NCOR1: variants seen among roughly 807,000 people sequenced by gnomAD.
NCOR1 encodes the protein nuclear receptor corepressor 1.
Under a neutral mutation model 288.1 loss-of-function variants are expected in NCOR1, and 63 were observed. The ratio of observed to expected loss-of-function variants is 0.22; its 90% CI spans 0.18 to 0.27. The LOEUF is 0.27. Ranked by LOEUF, NCOR1 falls within the 10% of genes least tolerant of loss-of-function variation. The pLI is 1.00. For synonymous variants in NCOR1, 1,007 were observed against 1,065.9 expected, an observed-to-expected ratio of 0.94 and a Z score of 1.08; for missense variants, 2,397 against 3,019.2, an observed-to-expected ratio of 0.79 and a Z score of 4.83.
intron 3 of NCOR1, among the ~76,000 whole-genome samples, chr17:16,173,594 C>T (rs976854098): frequency 1.3e-5 from 2 of 151,930 alleles, no homozygotes; most frequent in African/African-American, 2.4e-5. Context: ...CAGTTGTATT[C>T]TATACACTAG....
chr17:16,192,369 G>C (rs886500325), intron 2 of NCOR1, among the ~76,000 whole-genome samples: 1 of 151,968 alleles, frequency 6.6e-6, no homozygotes, highest in Non-Finnish European at 1.5e-5. Flanking sequence ...CAAAAAATTA[G>C]CTGGGGCCGG....
At chr17:16,070,128 A>G (rs774980098) in intron 31 of NCOR1, 37 bp downstream of exon 31, 4 of 1,528,408 alleles carry the variant, frequency 2.6e-6, no homozygotes, top group African/African-American at 2.8e-5. Context: ...TTTAAATGCA[A>G]TAAAAAGTAT....
chr17:16,167,283 C>T (rs1275201652), intron 4 of NCOR1, among the ~76,000 whole-genome samples: 2 of 151,838 alleles, frequency 1.3e-5, no homozygotes, highest in Admixed American at 6.6e-5. Flanking sequence ...AAGATCAAAA[C>T]AGACAAGATA....
rs74996877 is a variant in NCOR1 at position 16,149,393 on chromosome 17, T to C, written c.909+58A>G. ...CATTAACAGTAGGAAAGTGAATGCC[T>C]AAATGAGCATGAATGGGAAAGCTGT... On this transcript the variant is annotated intron_variant, in intron 9 of 45. Transcript: ENST00000268712. 1,155 of 1,028,374 alleles carry C rather than the reference T, an allele frequency of 1.1e-3. 24 individuals are homozygous for C. In the East Asian group the frequency reaches 0.03, roughly 27 times the overall value. 63.7% of individuals were successfully genotyped at this position (1,028,374 alleles called of 1,614,324 possible). A position where few individuals can be genotyped will look rare whatever the true frequency, so the allele number is the denominator to read the frequency against.
intron 32 of NCOR1, 89 bp downstream of exon 32, chr17:16,067,805 T>C (rs2061308562): frequency 8.3e-7 from 1 of 1,206,688 alleles, no homozygotes; most frequent in Non-Finnish European, 1.1e-6. Context: ...TATTTGCAAT[T>C]GTACTATATT....
rs2092333746 is a variant in NCOR1 at position 16,213,612 on chromosome 17, A to T, written c.-71+1750T>A. ...AATGCCGCGAGAGATGTGCAGAAAA[A>T]GCATTACAGGAGCCCAGAGGGAGCT... is the stretch of plus-strand genomic sequence containing the variant. On this transcript the variant is annotated intron_variant, in intron 1 of 45. Transcript: ENST00000268712. Among the ~76,000 whole-genome samples the T allele has an allele frequency of 3.9e-5, 6 of 152,252 alleles. No homozygotes were observed. The South Asian group carries it at 1.2e-3, about 32-fold the overall frequency.
intron 14 of NCOR1, among the ~76,000 whole-genome samples, chr17:16,134,964 CCTGA>C: frequency 6.6e-6 from 1 of 152,146 alleles, no homozygotes; most frequent in South Asian, 2.1e-4. Context: ...TCGAGACCAT[CCTGA>C]CTAACACGGT....
intron 2 of NCOR1, among the ~76,000 whole-genome samples, chr17:16,191,394 G>A (rs2088244644): frequency 6.6e-6 from 1 of 152,036 alleles, no homozygotes; most frequent in African/African-American, 2.4e-5. Context: ...CTACCAGAAG[G>A]ACTTCATCTC....
At position 16,032,320 on chromosome 17, in the gene NCOR1, C is replaced by T. The variant is rs1182860320; in HGVS notation, c.7299G>A (p.Glu2433=). Residue 2433 remains glutamate (E), a synonymous_variant, in exon 46 of 46, where the codon GAG becomes GAA. Coordinates refer to ENST00000268712, the MANE Select transcript of NCOR1 (RefSeq NM_006311.4). The part of the protein sequence containing the change: ...EPAPLLSAQY[E]TLSDSDD ...TTCAGTCATCACTATCCGACAGGGT[C>T]TCGTACTGTGCTGAGAGCAGTGGGG... The T allele has an allele frequency of 6.2e-7, 1 of 1,613,848 alleles. No individual in the cohort carries two copies.
At chr17:16,170,107 C>CTG (rs61345864) in intron 4 of NCOR1, among the ~76,000 whole-genome samples, 9,238 of 147,622 alleles carry the variant, frequency 0.063, 579 homozygotes, top group African/African-American at 0.17. Context: ...TATTTGCTTT[C>CTG]TGTGTGTGTG....
chr17:16,144,491 T>C (rs970570057), intron 10 of NCOR1, among the ~76,000 whole-genome samples: 1 of 152,208 alleles, frequency 6.6e-6, no homozygotes, highest in Non-Finnish European at 1.5e-5. Context: ...GTTTGTTATA[T>C]AGGTAAACCT....
chr17:16,137,815 G>T, intron 13 of NCOR1: 1 of 250,286 alleles, frequency 4.0e-6, no homozygotes, highest in Non-Finnish European at 7.5e-6. Context: ...TTGCGCAGAG[G>T]CCATGCTAAT....
chr17:16,084,637 G>C (rs972340111), intron 23 of NCOR1, among the ~76,000 whole-genome samples: 5 of 152,198 alleles, frequency 3.3e-5, no homozygotes, highest in Admixed American at 2.6e-4. Flanking sequence ...CAGTGGAACA[G>C]CATGGAGACA....
At chr17:16,065,720 A>G in intron 32 of NCOR1, 26 bp from the exon 33 acceptor site, 2 of 1,607,696 alleles carry the variant, frequency 1.2e-6, no homozygotes, top group Non-Finnish European at 1.7e-6. Context: ...AAAGAAAGGC[A>G]CTGAGTTTTG....
At position 16,138,225 on chromosome 17, in the gene NCOR1, GAA is replaced by G. The variant is rs1200305351; in HGVS notation, c.1353-15_1353-14del. On this transcript the variant is annotated splice_polypyrimidine_tract_variant and intron_variant, in intron 12 of 45. Transcript: ENST00000268712. ...ATGCTGGATAAACCTGAGTGAAAAC[GAA>G]AACAAAAACACACTTGCGTACAAAT... is the stretch of plus-strand genomic sequence containing the variant. 1.6e-5 allele frequency: 25 copies of G among 1,598,298 alleles called. No homozygotes were observed. The highest frequency in any genetic ancestry group is 2.0e-5 in the Non-Finnish European group (24 of 1,171,370).
chr17:16,071,572 C>G lies in NCOR1; in HGVS notation c.3989G>C (p.Gly1330Ala). 1 of 1,613,976 alleles carries G rather than the reference C, an allele frequency of 6.2e-7. No homozygotes were observed. The highest frequency in any genetic ancestry group is 8.5e-7 in the Non-Finnish European group (1 of 1,180,010). ...RESPPIRAFE[G>A]AITKGKPYDG... is the part of the protein sequence containing the mutation. ...ATATGGTTTTCCTTTGGTAATGGCACCTTCAAATGCTCGTATGGGAGGACT... is the reference window on the plus strand; with the variant it reads ...ATATGGTTTTCCTTTGGTAATGGCAGCTTCAAATGCTCGTATGGGAGGACT... The change falls in exon 30 of 46, where the codon GGT (glycine) becomes GCT (alanine). Residue 1330 changes from glycine to alanine, a missense_variant. Around this residue, in one of 11 missense-constraint regions of NCOR1, gnomAD observed 1,872 missense variants for 2,187.8 expected, o/e 0.86. Transcript: ENST00000268712.
At chr17:16,177,179 G>C (rs1050431563) in intron 3 of NCOR1, among the ~76,000 whole-genome samples, 5 of 151,732 alleles carry the variant, frequency 3.3e-5, no homozygotes, top group Non-Finnish European at 5.9e-5. Context: ...TATATCTTCA[G>C]GGCACTCAAA....
At position 16,172,100 on chromosome 17, in the gene NCOR1, C is replaced by T; in HGVS notation, c.243-105G>A. 6 of 947,776 alleles carry T rather than the reference C, an allele frequency of 6.3e-6. No individual in the cohort carries two copies. In the South Asian group the frequency reaches 1.1e-4, roughly 18 times the overall value. The allele number at this position is 947,776 out of a possible 1,614,324, so 58.7% of individuals were successfully genotyped here. A position where few individuals can be genotyped will look rare whatever the true frequency, so the allele number is the denominator to read the frequency against. On this transcript the variant is annotated intron_variant, in intron 3 of 45. Coordinates refer to ENST00000268712, the MANE Select transcript of NCOR1 (RefSeq NM_006311.4). ...TGAAATAACAAATGAAAAAGTCATG[C>T]TTACATTCAAAGTGAATCCGTACCC... is the stretch of plus-strand genomic sequence containing the variant.
intron 9 of NCOR1, among the ~76,000 whole-genome samples, chr17:16,148,680 A>AAC (rs2078384750): frequency 1.3e-5 from 2 of 149,510 alleles, no homozygotes; most frequent in Non-Finnish European, 3.0e-5. Flanking sequence ...AAAAAAAAAA[A>AAC]AAAAAAAAAA....
Sources: gnomAD v4.1 joint callset for allele counts (sites outside exome capture counted in the v4.1 genomes callset) on GRCh38, gnomAD v4.1.1 for gene constraint, gnomAD v4.1.1 regional missense constraint, MANE v1.5 for transcripts, NCBI Gene and HGNC (gene_info 2026-07-23, HGNC 2026-07-21) for gene names.